Variants in SPTA1 observed in about 807,000 individuals in gnomAD.
SPTA1 encodes spectrin alpha chain, erythrocytic 1.
Under a neutral mutation model 324.7 loss-of-function variants are expected in SPTA1, and 177 were observed. The ratio of observed to expected loss-of-function variants is 0.55; its 90% CI spans 0.48 to 0.62. The LOEUF (loss-of-function observed/expected upper bound fraction) is 0.62, where lower values mean the gene tolerates loss of function less well. Among genes scored for constraint, SPTA1 ranks in the 20% least tolerant of loss-of-function variants. SPTA1 has a pLI of 0.00. For synonymous variants in SPTA1, 1,195 were observed against 1,041.3 expected, an observed-to-expected ratio of 1.15 and a Z score of -2.84; for missense variants, 3,162 against 2,883.6, an observed-to-expected ratio of 1.10 and a Z score of -2.21.
chr1:158,627,058 G>A (rs770907703), intron 40 of SPTA1, 51 bp from the exon 41 acceptor site: 2 of 1,605,664 alleles, frequency 1.2e-6, no homozygotes, highest in African/African-American at 1.3e-5. Context: ...GGCTGGAAAT[G>A]TGAATCCATT....
chr1:158,615,911 A>G (rs779880502), intron 47 of SPTA1, among the ~76,000 whole-genome samples: 2 of 152,058 alleles, frequency 1.3e-5, no homozygotes, highest in Non-Finnish European at 2.9e-5. Flanking sequence ...ACTTGGGATG[A>G]TTTTCATGGG....
At chr1:158,633,484 C>T (rs1168424786) in intron 39 of SPTA1, among the ~76,000 whole-genome samples, 1 of 151,720 alleles carries the variant, frequency 6.6e-6, no homozygotes, top group African/African-American at 2.4e-5. Context: ...CATGGTGAAA[C>T]CCCTTGTCTA....
chr1:158,647,071 A>G (rs140238939), intron 27 of SPTA1, among the ~76,000 whole-genome samples: 230 of 151,998 alleles, frequency 1.5e-3, no homozygotes, highest in African/African-American at 5.1e-3. Flanking sequence ...CTTTTTTTGC[A>G]CAGTTCAGTC....
intron 37 of SPTA1, 115 bp from the exon 38 acceptor site, chr1:158,636,149 CG>C (rs1176976974): frequency 1.3e-6 from 2 of 1,571,482 alleles, no homozygotes; most frequent in Admixed American, 3.4e-5. Context: ...ATAAACTCCA[CG>C]GGACTTTGTG....
intron 7 of SPTA1, among the ~76,000 whole-genome samples, chr1:158,676,915 T>C (rs962752369): frequency 5.3e-5 from 8 of 152,228 alleles, no homozygotes; most frequent in Non-Finnish European, 8.8e-5. Flanking sequence ...AACTTATGGG[T>C]TTTATTATTC....
At chr1:158,655,441 C>T (rs748950654) in intron 20 of SPTA1, among the ~76,000 whole-genome samples, 4 of 152,142 alleles carry the variant, frequency 2.6e-5, no homozygotes, top group African/African-American at 9.7e-5. Flanking sequence ...CCCACCCCTT[C>T]CTCAGGTTGG....
At chr1:158,679,292 C>T (rs1401125253) in intron 5 of SPTA1, among the ~76,000 whole-genome samples, 1 of 152,064 alleles carries the variant, frequency 6.6e-6, no homozygotes, top group African/African-American at 2.4e-5. Flanking sequence ...CAGAATATAA[C>T]CTAGCTGTGT....
intron 18 of SPTA1, among the ~76,000 whole-genome samples, chr1:158,658,448 A>G (rs1218531251): frequency 6.6e-6 from 1 of 152,210 alleles, no homozygotes; most frequent in Admixed American, 6.5e-5. Context: ...ACTTAAAAGC[A>G]GTGGACAAAC....
At chr1:158,669,833 T>G (rs370606932) in intron 12 of SPTA1, 47 bp from the exon 13 acceptor site, 30 of 1,587,546 alleles carry the variant, frequency 1.9e-5, no homozygotes, top group African/African-American at 2.7e-5. Context: ...CAGTGACCAC[T>G]GAGTAAGTGG....
Position 158,647,639 on chromosome 1 carries a change from C to G in SPTA1, c.3796G>C (p.Glu1266Gln), listed in dbSNP as rs374697790. ...AGGTCTTCCCAGGCCTCATTCAGCT[C>G]CATTTTCTGTCTCTGCAGGTCCTCA... ...ATEDLQRQKM[E>Q]LNEAWEDLQG... Residue 1266 changes from glutamate to glutamine, a missense_variant, in exon 27 of 52, where the codon GAG (glutamate) becomes CAG (glutamine). Coordinates refer to ENST00000643759, the MANE Select transcript of SPTA1 (RefSeq NM_003126.4). 4.0e-5 allele frequency: 64 copies of G among 1,613,856 alleles called. No homozygotes were observed. The highest frequency in any genetic ancestry group is 5.2e-5 in the Non-Finnish European group (61 of 1,179,944).
intron 34 of SPTA1, 81 bp downstream of exon 34, chr1:158,639,789 G>C: frequency 3.1e-6 from 5 of 1,612,626 alleles, no homozygotes; most frequent in Non-Finnish European, 4.2e-6. Context: ...AAAATTCAAG[G>C]AAATTGCCCA....
At chr1:158,613,220 C>A (rs992886766) in intron 50 of SPTA1, among the ~76,000 whole-genome samples, 2 of 152,066 alleles carry the variant, frequency 1.3e-5, no homozygotes, top group African/African-American at 4.8e-5. Context: ...GGTCATTCAG[C>A]CTGATTCTCG....
chr1:158,670,181 C>CCTCTAT (rs1315632722), intron 12 of SPTA1, among the ~76,000 whole-genome samples: 2 of 152,142 alleles, frequency 1.3e-5, no homozygotes, highest in Non-Finnish European at 2.9e-5. Context: ...CTCATCTCTA[C>CCTCTAT]CTCTATCTCT....
chr1:158,664,199 A>C (rs1653434630), intron 16 of SPTA1, among the ~76,000 whole-genome samples: 1 of 152,220 alleles, frequency 6.6e-6, no homozygotes, highest in Non-Finnish European at 1.5e-5. Context: ...AAGGATTATA[A>C]ATCATTCTAC....
At position 158,639,981 on chromosome 1, in the gene SPTA1, A is replaced by T; in HGVS notation, c.4764T>A (p.His1588Gln). 6.2e-7 allele frequency: 1 copy of T among 1,613,800 alleles called. No individual in the cohort carries two copies. The highest frequency in any genetic ancestry group is 2.2e-5 in the East Asian group (1 of 44,854). Residue 1588 changes from histidine to glutamine, a missense_variant, in exon 34 of 52, where the codon CAT becomes CAA. Coordinates refer to ENST00000643759, the MANE Select transcript of SPTA1 (RefSeq NM_003126.4). ...MKEQLEQLKEHWDHLLERTND... is the reference protein window; with the variant it reads ...MKEQLEQLKEQWDHLLERTND... Reference sequence around the variant, plus strand: ...TTGTTCTCTCAAGCAGATGATCCCAATGTTCCTTCAGCTGTTCCAGTTGCT... The same window carrying T: ...TTGTTCTCTCAAGCAGATGATCCCATTGTTCCTTCAGCTGTTCCAGTTGCT...
At chr1:158,622,505 T>G (rs1649979941) in intron 43 of SPTA1, among the ~76,000 whole-genome samples, 1 of 152,184 alleles carries the variant, frequency 6.6e-6, no homozygotes, top group Non-Finnish European at 1.5e-5. Context: ...CAGAATAGAA[T>G]GGTGATGCTA....
intron 44 of SPTA1, among the ~76,000 whole-genome samples, chr1:158,619,896 T>C (rs941091264): frequency 4.6e-5 from 7 of 152,182 alleles, no homozygotes; most frequent in African/African-American, 1.4e-4. Flanking sequence ...GAACTTTTCA[T>C]AGCTCATCAT....
At chr1:158,632,407 G>A (rs1305087090) in intron 39 of SPTA1, among the ~76,000 whole-genome samples, 1 of 152,112 alleles carries the variant, frequency 6.6e-6, no homozygotes, top group Non-Finnish European at 1.5e-5. Flanking sequence ...TGTTATACAC[G>A]TATAAATGTA....
chr1:158,612,991 C>A (rs766239483), intron 50 of SPTA1, 30 bp from the exon 51 acceptor site: 1 of 1,612,448 alleles, frequency 6.2e-7, no homozygotes, highest in Non-Finnish European at 8.5e-7. Flanking sequence ...GGAGCTGAGC[C>A]TTCTCAAGGC....
Sources: allele counts gnomAD v4.1 joint callset (sites outside exome capture counted in the v4.1 genomes callset), GRCh38; gene constraint gnomAD v4.1.1; transcripts MANE v1.5; gene names NCBI Gene and HGNC (gene_info 2026-07-23, HGNC 2026-07-21).